The following TSC2 variants were observed in gnomAD, a reference collection of about 807,000 sequenced individuals.
TSC2 encodes tuberin.
In TSC2, 29 loss-of-function variants were observed where a neutral mutation model predicts 202.2. That is an observed-to-expected ratio of 0.14 (90% CI 0.11 to 0.20). The LOEUF is 0.20. Ranked by LOEUF, TSC2 falls within the 10% of genes least tolerant of loss-of-function variation. The probability of loss-of-function intolerance (pLI) is 1.00; values close to 1 mark genes in which losing one functional copy is unlikely to be tolerated. For missense variants in TSC2, 2,429 were observed against 2,420.0 expected (o/e 1.00, Z -0.08); for synonymous variants, 1,349 against 1,044.0 (o/e 1.29, Z -5.63).
At position 2,089,305 on chromosome 16, in the gene TSC2, G is replaced by C. The variant is rs921828318; in HGVS notation, c.*695G>C. 1 of 243,540 alleles carries C rather than the reference G, an allele frequency of 4.1e-6. No homozygotes were observed. Among genetic ancestry groups the C allele is most frequent in the African/African-American group, 2.3e-5 (1 of 44,414 alleles). 15.1% of individuals were successfully genotyped at this position (243,540 alleles called of 1,614,324 possible). ...ACTGACACGAGACACACAGTGAGAC[G>C]GTGCAGGGAGTACGGTAGGAACTGG... On this transcript the variant is annotated 3_prime_UTR_variant, in exon 42 of 42. Transcript: ENST00000219476.
Position 2,062,544 on chromosome 16 carries a change from C to T in TSC2, c.1305C>T (p.His435=), listed in dbSNP as rs766461065. 1 of 1,612,656 alleles carries T rather than the reference C, an allele frequency of 6.2e-7. No homozygotes were observed. The highest frequency in any genetic ancestry group is 8.5e-7 in the Non-Finnish European group (1 of 1,179,362). ...NLISYRAQSI[H]PAKDGWIQNL... ...TCTCCTATAGAGCGCAGTCCATCCA[C>T]CCGGCCAAGGACGGCTGGATTCAGA... Residue 435 remains histidine, a synonymous_variant, in exon 13 of 42, where the codon CAC becomes CAT. Transcript: ENST00000219476.
chr16:2,069,189 A>G (rs538567322), intron 16 of TSC2, among the ~76,000 whole-genome samples: 77 of 152,284 alleles, frequency 5.1e-4, no homozygotes, highest in Admixed American at 4.0e-3. Flanking sequence ...TGTTGGTTCC[A>G]TGTGGCCTTC....
Position 2,054,394 on chromosome 16 carries a change from C to T in TSC2, c.435C>T (p.Ala145=), listed in dbSNP as rs762200040. ...ACGAAAGGCTGGAGGTTTTCAAGGC[C>T]CTCACAGACAATGGGAGACACATCA... ...DLHERLEVFK[A]LTDNGRHITY... Residue 145 remains alanine, a synonymous_variant, in exon 5 of 42, where the codon GCC becomes GCT. Transcript: ENST00000219476. 6 of 1,614,196 alleles carry T rather than the reference C, an allele frequency of 3.7e-6. No homozygotes were observed. The highest frequency in any genetic ancestry group is 1.6e-4 in the Middle Eastern group (1 of 6,062).
intron 1 of TSC2, 47 bp from the exon 2 acceptor site, chr16:2,048,540 G>A (rs1485735855): frequency 6.2e-7 from 1 of 1,611,234 alleles, no homozygotes; most frequent in South Asian, 1.1e-5. Context: ...GGGGAAGGTG[G>A]GCAGAGGTGT....
At position 2,065,512 on chromosome 16, in the gene TSC2, T is replaced by C. The variant is rs1459453778; in HGVS notation, c.1600-7T>C. 1 of 1,612,008 alleles carries C rather than the reference T, an allele frequency of 6.2e-7. No individual in the cohort carries two copies. The highest frequency in any genetic ancestry group is 1.1e-5 in the South Asian group (1 of 91,032). On this transcript the variant is annotated splice_region_variant and splice_polypyrimidine_tract_variant and intron_variant, in intron 15 of 41. Coordinates refer to ENST00000219476, the MANE Select transcript of TSC2 (RefSeq NM_000548.5). ...CCTGTGTGTAAGTCCTGGCCTTCTC[T>C]TCAAAGGTGATGGCCCGCTCCCTCT... is the stretch of plus-strand genomic sequence containing the variant.
rs150239180 is a variant in TSC2 at position 2,086,751 on chromosome 16, C to T, written c.4869C>T (p.Thr1623=). 7.4e-5 allele frequency: 120 copies of T among 1,610,958 alleles called. No homozygotes were observed. In the African/African-American group the frequency reaches 1.3e-3, roughly 17 times the overall value. The change falls in exon 38 of 42, where the codon ACC becomes ACT. Residue 1623 remains threonine (T), a synonymous_variant. Transcript: ENST00000219476. ...DIMQAVFHIA[T]LMPTKDVDKH... is the part of the protein sequence containing the mutation. Reference sequence around the variant, plus strand: ...CCTCAGCCGTCTTCCACATCGCCACCCTGATGCCCACCAAGGACGTGGACA... The same window carrying T: ...CCTCAGCCGTCTTCCACATCGCCACTCTGATGCCCACCAAGGACGTGGACA...
rs2150970842 is a variant in TSC2, at chr16:2,048,658, T to G, written c.43T>G (p.Phe15Val). 6.2e-7 allele frequency: 1 copy of G among 1,613,798 alleles called. No individual in the cohort carries two copies. Among genetic ancestry groups the G allele is most frequent in the Non-Finnish European group, 8.5e-7 (1 of 1,179,994 alleles). ...TSKDSGLKEK[F>V]KILLGLGTPR... ...CAAAGATTCAGGCTTGAAGGAGAAG[T>G]TTAAGATTCTGTTGGGACTGGGAAC... The change falls in exon 2 of 42, where the codon TTT (phenylalanine) becomes GTT (valine). Residue 15 changes from phenylalanine to valine, a missense_variant. By Grantham distance (50) the Phe-to-Val change is conservative. Coordinates refer to ENST00000219476, the MANE Select transcript of TSC2 (RefSeq NM_000548.5).
chr16:2,063,389 C>T (rs772069868), intron 14 of TSC2: 7 of 468,008 alleles, frequency 1.5e-5, no homozygotes, highest in East Asian at 4.1e-5. Context: ...CATTGTCTTC[C>T]GTTTCAGTCC....
chr16:2,066,576 C>T (rs1041231712), intron 16 of TSC2: 6 of 150,910 alleles, frequency 4.0e-5, no homozygotes, highest in African/African-American at 7.3e-5. Context: ...TGTTTCAAGG[C>T]GATACCAGGC....
At position 2,087,925 on chromosome 16, in the gene TSC2, C is replaced by G; in HGVS notation, c.5052C>G (p.Ser1684=). The change falls in exon 39 of 42, where the codon TCC becomes TCG. Residue 1684 remains serine (S), a synonymous_variant. Transcript: ENST00000219476. ...TPLDYECNLV[S]LQCRKDMEGL... ...TGGACTACGAGTGCAACCTGGTGTCCCTGCAGTGCAGGAAAGGTAGGGCCG... is the reference window on the plus strand; with the variant it reads ...TGGACTACGAGTGCAACCTGGTGTCGCTGCAGTGCAGGAAAGGTAGGGCCG... The G allele has an allele frequency of 6.2e-7, 1 of 1,605,136 alleles. No individual in the cohort carries two copies. The highest frequency in any genetic ancestry group is 8.5e-7 in the Non-Finnish European group (1 of 1,174,484).
In TSC2 at chr16:2,077,226, C is replaced by T. The variant is rs61260040; in HGVS notation, c.2838-372C>T. ...CTGGCCACTGAGGCCTCAGTGCCGCCTCGGTCAGAGCTGGGCGGTGCCTGC... is the reference window on the plus strand; with the variant it reads ...CTGGCCACTGAGGCCTCAGTGCCGCTTCGGTCAGAGCTGGGCGGTGCCTGC... On this transcript the variant is annotated intron_variant, in intron 25 of 41. Coordinates refer to ENST00000219476, the MANE Select transcript of TSC2 (RefSeq NM_000548.5). Among the ~76,000 whole-genome samples, 4,401 of 152,296 alleles carry T rather than the reference C, an allele frequency of 0.029. 232 individuals carry two copies. Among genetic ancestry groups the T allele is most frequent in the African/African-American group, 0.099 (4,094 of 41,544 alleles).
At chr16:2,082,024 C>A in intron 31 of TSC2, 1 of 666,202 alleles carries the variant, frequency 1.5e-6, no homozygotes, top group Non-Finnish European at 2.6e-6. Flanking sequence ...AGTAGGGGCC[C>A]TGTGGAGCCT....
chr16:2,072,392 G>A (rs1733981375), intron 20 of TSC2, 29 bp downstream of exon 20: 2 of 1,612,170 alleles, frequency 1.2e-6, no homozygotes, highest in East Asian at 2.2e-5. Context: ...GGTTGGGGTG[G>A]GGGACCCAGT....
rs774338461 is a variant in TSC2 at position 2,084,471 on chromosome 16, C to G, written c.4249C>G (p.Arg1417Gly). The change falls in exon 34 of 42, where the codon CGG (arginine) becomes GGG (glycine). Residue 1417 changes from arginine to glycine, a missense_variant. By Grantham distance (125) the Arg-to-Gly change is moderately radical. Coordinates refer to ENST00000219476, the MANE Select transcript of TSC2 (RefSeq NM_000548.5). ...CCGGCTGAGCCCTGAGGTTAAGGCC[C>G]GGTCACAGTCAGGGACCCTGGACGG... ...VGRLSPEVKARSQSGTLDGES... is the reference protein window; with the variant it reads ...VGRLSPEVKAGSQSGTLDGES... 3 of 1,609,020 alleles carry G rather than the reference C, an allele frequency of 1.9e-6. No individual in the cohort carries two copies. The highest frequency in any genetic ancestry group is 2.5e-6 in the Non-Finnish European group (3 of 1,178,494).
intron 36 of TSC2, 90 bp from the exon 37 acceptor site, chr16:2,086,103 C>T: frequency 1.3e-6 from 2 of 1,503,164 alleles, no homozygotes; most frequent in South Asian, 1.2e-5. Flanking sequence ...GAGTGGGGCT[C>T]CCGGCAGAGC....
Position 2,086,856 on chromosome 16 carries a change from G to A in TSC2, c.4974G>A (p.Lys1658=), listed in dbSNP as rs45511393. The A allele has an allele frequency of 6.3e-7, 1 of 1,595,956 alleles. No homozygotes were observed. The highest frequency in any genetic ancestry group is 8.5e-7 in the Non-Finnish European group (1 of 1,172,114). Residue 1658 remains lysine, a synonymous_variant, in exon 38 of 42, where the codon AAG becomes AAA. Transcript: ENST00000219476. ...ACAATGACTCCGGTGAGGACTTCAAGCTTGGCACCATCAAGGTGAGTGAGG... is the reference window on the plus strand; with the variant it reads ...ACAATGACTCCGGTGAGGACTTCAAACTTGGCACCATCAAGGTGAGTGAGG... ...IVYNDSGEDF[K]LGTIKGQFNF...
At chr16:2,076,973 C>T (rs1000130165) in intron 25 of TSC2, among the ~76,000 whole-genome samples, 1 of 152,240 alleles carries the variant, frequency 6.6e-6, no homozygotes, top group Non-Finnish European at 1.5e-5. Flanking sequence ...CTGAGCCAGC[C>T]TCTGTGTTCT....
intron 10 of TSC2, among the ~76,000 whole-genome samples, chr16:2,059,515 T>TG (rs1330697619): frequency 2.1e-5 from 3 of 143,304 alleles, no homozygotes; most frequent in Non-Finnish European, 4.6e-5. Context: ...AATGGTTTTT[T>TG]TTTTTTTTTT....
At chr16:2,069,712 C>G (rs975536895) in intron 16 of TSC2, among the ~76,000 whole-genome samples, 7 of 152,186 alleles carry the variant, frequency 4.6e-5, no homozygotes, top group Admixed American at 1.3e-4. Flanking sequence ...GATCTCCTGA[C>G]CTCATGATCC....
Sources: gnomAD v4.1 joint callset for allele counts (sites outside exome capture counted in the v4.1 genomes callset) on GRCh38, gnomAD v4.1.1 for gene constraint, MANE v1.5 for transcripts, NCBI Gene and HGNC (gene_info 2026-07-23, HGNC 2026-07-21) for gene names.